The following RABEP1 variants were observed in gnomAD, a reference collection of about 807,000 sequenced individuals.
RABEP1 encodes rabaptin, RAB GTPase binding effector protein 1.
Under a neutral mutation model 123.4 loss-of-function variants are expected in RABEP1, and 51 were observed. The ratio of observed to expected loss-of-function variants is 0.41; its 90% CI spans 0.33 to 0.52. The LOEUF is 0.52. RABEP1 is among the 20% of genes least tolerant of loss of function. The pLI is 0.16. For missense variants in RABEP1, 888 were observed against 996.3 expected (o/e 0.89, Z 1.46); for synonymous variants, 347 against 355.2 (o/e 0.98, Z 0.26).
In RABEP1 at chr17:5,386,147, A is replaced by C. The variant is rs374583037; in HGVS notation, c.*2924A>C. The C allele has an allele frequency of 7.3e-5, 93 of 1,275,326 alleles. 1 individual carries two copies. In the African/African-American group the frequency reaches 1.3e-3, roughly 18 times the overall value. The allele number at this position is 1,275,326 out of a possible 1,614,324, so 79.0% of individuals were successfully genotyped here. A position where few individuals can be genotyped will look rare whatever the true frequency, so the allele number is the denominator to read the frequency against. On this transcript the variant is annotated 3_prime_UTR_variant, in exon 18 of 18. Coordinates refer to ENST00000537505, the MANE Select transcript of RABEP1 (RefSeq NM_004703.6). Reference sequence around the variant, plus strand: ...AATTAGATAATTCTACCTGTTTTACAATATGGGTTTAAGCCTTCAATGGTG... The same window carrying C: ...AATTAGATAATTCTACCTGTTTTACCATATGGGTTTAAGCCTTCAATGGTG...
chr17:5,294,552 G>A (rs2075062354), intron 1 of RABEP1, among the ~76,000 whole-genome samples: 1 of 140,338 alleles, frequency 7.1e-6, no homozygotes, highest in South Asian at 2.6e-4. Flanking sequence ...TTTATATAAG[G>A]GACTTGAATA....
intron 2 of RABEP1, among the ~76,000 whole-genome samples, chr17:5,321,587 G>GTAGC (rs774713517): frequency 6.6e-6 from 1 of 152,196 alleles, no homozygotes; most frequent in Non-Finnish European, 1.5e-5. Flanking sequence ...TCCAGCCTGG[G>GTAGC]TAGCAGAGCA....
At chr17:5,322,450 A>G (rs1338289140) in intron 2 of RABEP1, among the ~76,000 whole-genome samples, 1 of 148,746 alleles carries the variant, frequency 6.7e-6, no homozygotes, top group Admixed American at 6.7e-5. Context: ...ATAAATATCT[A>G]TGCACCTAAC....
intron 1 of RABEP1, among the ~76,000 whole-genome samples, chr17:5,295,186 A>G (rs1309309986): frequency 2.0e-5 from 3 of 151,772 alleles, no homozygotes; most frequent in Non-Finnish European, 4.4e-5. Context: ...GTTCGAGACC[A>G]GCCTGACCAA....
intron 6 of RABEP1, among the ~76,000 whole-genome samples, chr17:5,349,944 T>G (rs2144645916): frequency 6.6e-6 from 1 of 152,306 alleles, no homozygotes; most frequent in East Asian, 1.9e-4. Context: ...CTTTCTTTGC[T>G]GTATTCCTAG....
rs894548113 is a variant in RABEP1, at chr17:5,328,891, C to T, written c.164-3058C>T. On this transcript the variant is annotated intron_variant, in intron 2 of 17. Coordinates refer to ENST00000537505, the MANE Select transcript of RABEP1 (RefSeq NM_004703.6). Reference sequence around the variant, plus strand: ...ACTTGAACCTGGGCGGCAGAGGTTGCGCCACTGCACTCCAGCCTGGGCGAC... The same window carrying T: ...ACTTGAACCTGGGCGGCAGAGGTTGTGCCACTGCACTCCAGCCTGGGCGAC... Among the ~76,000 whole-genome samples the T allele has an allele frequency of 3.3e-4, 50 of 150,594 alleles. 1 individual carries two copies. Among genetic ancestry groups the T allele is most frequent in the Admixed American group, 4.0e-4 (6 of 15,120 alleles).
At chr17:5,381,210 G>C (rs1911420532) in intron 16 of RABEP1, among the ~76,000 whole-genome samples, 179 bp from the exon 17 acceptor site, 1 of 151,694 alleles carries the variant, frequency 6.6e-6, no homozygotes, top group South Asian at 2.1e-4. Context: ...AGGACTTAGA[G>C]CAAGTAGTCT....
intron 3 of RABEP1, among the ~76,000 whole-genome samples, chr17:5,334,406 A>T (rs1567529278): frequency 6.6e-6 from 1 of 151,828 alleles, no homozygotes; most frequent in Non-Finnish European, 1.5e-5. Flanking sequence ...TAATTTTTGT[A>T]TTTTTAGTAG....
In RABEP1 at chr17:5,348,096, G is replaced by A. The variant is rs143979960; in HGVS notation, c.784+1171G>A. ...GGGTTCAAGTGATTCTCCTGCTTCA[G>A]CCTCCTAAGTAGCTGGGATTACAGG... On this transcript the variant is annotated intron_variant, in intron 6 of 17. Transcript: ENST00000537505. 2.1e-4 allele frequency among the ~76,000 whole-genome samples: 32 copies of A among 152,154 alleles called. No individual in the cohort carries two copies. The East Asian group carries it at 5.8e-3, about 28-fold the overall frequency.
At chr17:5,298,505 A>T (rs983655072) in intron 1 of RABEP1, among the ~76,000 whole-genome samples, 1 of 152,150 alleles carries the variant, frequency 6.6e-6, no homozygotes, top group Admixed American at 6.6e-5. Flanking sequence ...CTCCACTCTG[A>T]ATTGTGTGTG....
At chr17:5,326,801 G>T (rs909261756) in intron 2 of RABEP1, among the ~76,000 whole-genome samples, 1 of 151,982 alleles carries the variant, frequency 6.6e-6, no homozygotes, top group African/African-American at 2.4e-5. Context: ...CTGCTAAAAC[G>T]TTTATTAAAA....
chr17:5,360,815 C>T (rs1022266048), intron 8 of RABEP1: 6 of 198,866 alleles, frequency 3.0e-5, no homozygotes, highest in African/African-American at 7.1e-5. Flanking sequence ...ATGATAGGCA[C>T]CTCGCGCTTG....
chr17:5,383,989 T>C lies in RABEP1; in HGVS notation c.*766T>C. On this transcript the variant is annotated 3_prime_UTR_variant, in exon 18 of 18. Transcript: ENST00000537505. The stretch of plus-strand genomic sequence containing the variant: ...TTCATGGGCCCACAGGGTACCAGGA[T>C]AAAGCCGAACTGGTACCATCTACTC... The C allele has an allele frequency of 4.5e-6, 1 of 220,296 alleles. No individual in the cohort carries two copies. Among genetic ancestry groups the C allele is most frequent in the Non-Finnish European group, 9.1e-6 (1 of 109,726 alleles). 13.6% of individuals were successfully genotyped at this position (220,296 alleles called of 1,614,324 possible).
chr17:5,290,055 T>C (rs1037167208), intron 1 of RABEP1, among the ~76,000 whole-genome samples: 5 of 152,332 alleles, frequency 3.3e-5, no homozygotes, highest in African/African-American at 1.2e-4. Flanking sequence ...TCTCTTCTTA[T>C]GTAGTCATTA....
chr17:5,328,258 T>C (rs973258258), intron 2 of RABEP1, among the ~76,000 whole-genome samples: 3 of 152,182 alleles, frequency 2.0e-5, no homozygotes, highest in African/African-American at 7.2e-5. Flanking sequence ...TAGCAAAATA[T>C]TAAAAATGAT....
chr17:5,323,839 A>AATATATATATATATCTAGGAATATAT, intron 2 of RABEP1, among the ~76,000 whole-genome samples: 1 of 70,258 alleles, frequency 1.4e-5, no homozygotes, highest in African/African-American at 6.8e-5. Flanking sequence ...TATATCTAGG[A>AATATATATATATATCTAGGAATATAT]ATATATATAT....
In RABEP1 at chr17:5,359,084, T is replaced by A. The variant is rs568451363; in HGVS notation, c.1096-2124T>A. On this transcript the variant is annotated intron_variant, in intron 8 of 17. Coordinates refer to ENST00000537505, the MANE Select transcript of RABEP1 (RefSeq NM_004703.6). The stretch of plus-strand genomic sequence containing the variant: ...GCCTGTAGTCTGATGTTTTCTTTTT[T>A]TTTTTTTGAGACGGAGTCTCGCTCT... Among the ~76,000 whole-genome samples the A allele has an allele frequency of 3.3e-5, 5 of 151,672 alleles. No homozygotes were observed. In the East Asian group the frequency reaches 9.7e-4, roughly 29 times the overall value.
chr17:5,287,547 G>A (rs1252968901), intron 1 of RABEP1, among the ~76,000 whole-genome samples: 2 of 144,658 alleles, frequency 1.4e-5, no homozygotes, highest in African/African-American at 5.1e-5. Flanking sequence ...TGCAGTGGGC[G>A]AAGATCATGC....
intron 6 of RABEP1, among the ~76,000 whole-genome samples, chr17:5,349,717 GT>G (rs879575340): frequency 1.2e-4 from 18 of 146,408 alleles, no homozygotes; most frequent in African/African-American, 3.5e-4. Context: ...ACTGTGAAAA[GT>G]TTTTTTTTTT....
Sources: allele counts gnomAD v4.1 joint callset (sites outside exome capture counted in the v4.1 genomes callset), GRCh38; gene constraint gnomAD v4.1.1; transcripts MANE v1.5; gene names NCBI Gene and HGNC (gene_info 2026-07-23, HGNC 2026-07-21).